Variants in SLC30A10 observed in about 807,000 individuals in gnomAD.
SLC30A10 encodes solute carrier family 30 member 10, also known as calcium/manganese antiporter SLC30A10.
A neutral mutation model predicts 21.7 loss-of-function variants in SLC30A10; 8 were observed. The ratio of observed to expected loss-of-function variants is 0.37; its 90% CI spans 0.22 to 0.67. The LOEUF is 0.67. Ranked by LOEUF, SLC30A10 falls within the 30% of genes least tolerant of loss-of-function variation. The pLI, the probability that SLC30A10 is intolerant of heterozygous loss-of-function variation, is 0.58. For missense variants in SLC30A10, 521 were observed against 642.5 expected (o/e 0.81, Z 2.04); for synonymous variants, 272 against 279.4 (o/e 0.97, Z 0.26).
At chr1:219,921,223 G>A (rs747056828) in intron 2 of SLC30A10, among the ~76,000 whole-genome samples, 3 of 152,088 alleles carry the variant, frequency 2.0e-5, no homozygotes, top group South Asian at 2.1e-4. Context: ...GATGAGTCCC[G>A]GAATGGCCAT....
rs544989150 is a variant in SLC30A10 at position 219,910,661 on chromosome 1, T to C, written c.*4788A>G. On this transcript the variant is annotated 3_prime_UTR_variant, in exon 4 of 4. Transcript: ENST00000366926. ...AATTTTAAGCAACAAAACTCCACAA[T>C]ACTGTAACATAACCTCAGATCTCCA... Among the ~76,000 whole-genome samples the C allele has an allele frequency of 6.6e-6, 1 of 152,328 alleles. No individual in the cohort carries two copies.
At position 219,928,030 on chromosome 1, in the gene SLC30A10, G is replaced by T; in HGVS notation, c.411C>A (p.Cys137Ter). 1 of 1,580,256 alleles carries T rather than the reference G, an allele frequency of 6.3e-7. No homozygotes were observed. The highest frequency in any genetic ancestry group is 8.6e-7 in the Non-Finnish European group (1 of 1,164,968). ...GGAGGCAGCACGCGAACCAGGCGGC[G>T]CAGTCCTGGAAGATGAGCAGCCCCA... ...NVVGLLIFQDCAAWFACCLRG... is the reference protein window; with the variant it reads ...NVVGLLIFQD The change falls in exon 1 of 4, where the codon TGC (cysteine) becomes TGA (stop). Residue 137 changes from cysteine to a stop codon, truncating the protein, a stop_gained. Coordinates refer to ENST00000366926, the MANE Select transcript of SLC30A10 (RefSeq NM_018713.3). LOFTEE classifies it high-confidence loss of function. The surrounding 1 kb of genome is among the most constrained non-coding windows in gnomAD (Gnocchi z 6.3).
At chr1:219,948,477 T>G (rs951035447) in intron 1 of SLC30A10, among the ~76,000 whole-genome samples, 2 of 152,204 alleles carry the variant, frequency 1.3e-5, no homozygotes, top group African/African-American at 4.8e-5. Context: ...AACTATCTGA[T>G]TTTTGACAAA....
chr1:219,912,692 G>C lies in SLC30A10; in HGVS notation c.*2757C>G, dbSNP rs1401052942. ...TACTAAAAATACAAAAAATTAGCCG[G>C]GCATGGTGGCGAGCACCTGTAATCC... On this transcript the variant is annotated 3_prime_UTR_variant, in exon 4 of 4. Transcript: ENST00000366926. 6.6e-6 allele frequency among the ~76,000 whole-genome samples: 1 copy of C among 150,952 alleles called. No homozygotes were observed. The highest frequency in any genetic ancestry group is 1.5e-5 in the Non-Finnish European group (1 of 67,704).
intron 1 of SLC30A10, among the ~76,000 whole-genome samples, chr1:219,948,308 A>G (rs1474363535): frequency 1.3e-5 from 2 of 151,784 alleles, no homozygotes; most frequent in Admixed American, 1.3e-4. Context: ...CGCCAAGTCA[A>G]TCCTAAGCCA....
In SLC30A10 at chr1:219,915,914, A is replaced by C; in HGVS notation, c.993T>G (p.Ser331Arg). 1 of 1,614,136 alleles carries C rather than the reference A, an allele frequency of 6.2e-7. No homozygotes were observed. The highest frequency in any genetic ancestry group is 8.5e-7 in the Non-Finnish European group (1 of 1,180,028). ...GTTCCCAGATGTGCACTTCATGTAC[A>C]CTGCTAATTCCAGGCACAGCAGAGA... ...SKLSAVPGIS[S>R]VHEVHIWELV... The change falls in exon 4 of 4, where the codon AGT (serine) becomes AGG (arginine). Residue 331 changes from serine to arginine, a missense_variant. By Grantham distance (110) the Ser-to-Arg change is moderately radical. Transcript: ENST00000366926.
At chr1:219,950,219 A>G (rs1043967096) in intron 1 of SLC30A10, among the ~76,000 whole-genome samples, 6 of 152,262 alleles carry the variant, frequency 3.9e-5, no homozygotes, top group African/African-American at 1.4e-4. Flanking sequence ...TCAATGAGCT[A>G]CATATTGACA....
chr1:219,922,158 TTGTGTG>T (rs139669169), intron 2 of SLC30A10, among the ~76,000 whole-genome samples: 7 of 42,836 alleles, frequency 1.6e-4, no homozygotes, highest in Non-Finnish European at 2.6e-4. Flanking sequence ...ACCTTCTTGT[TTGTGTG>T]TGTGTGTGTG....
Position 219,915,534 on chromosome 1 carries a change from GACACTTCAATAGCC to G in SLC30A10, c.1359_1372del (p.Ala454PhefsTer3), listed in dbSNP as rs1659513843. On this transcript the variant is annotated frameshift_variant, in exon 4 of 4. Coordinates refer to ENST00000366926, the MANE Select transcript of SLC30A10 (RefSeq NM_018713.3). LOFTEE classifies it low-confidence loss of function (END_TRUNC). Reference sequence around the variant, plus strand: ...GTGGTCACTCAGACAGCTATCCAAAGACACTTCAATAGCCACTTCTCTTGCGTCTCTTCTACTGA... The same window carrying G: ...GTGGTCACTCAGACAGCTATCCAAAGACTTCTCTTGCGTCTCTTCTACTGA... 1 of 1,614,100 alleles carries G rather than the reference GACACTTCAATAGCC, an allele frequency of 6.2e-7. No individual in the cohort carries two copies. The highest frequency in any genetic ancestry group is 8.5e-7 in the Non-Finnish European group (1 of 1,180,042).
chr1:219,925,782 A>T (rs1659807653), intron 2 of SLC30A10, among the ~76,000 whole-genome samples: 1 of 146,006 alleles, frequency 6.8e-6, no homozygotes, highest in Non-Finnish European at 1.5e-5. Flanking sequence ...CAGCCTCCCG[A>T]GTAGCTGGGA....
intron 1 of SLC30A10, among the ~76,000 whole-genome samples, chr1:219,940,786 C>T (rs887833114): frequency 6.6e-6 from 1 of 152,114 alleles, no homozygotes; most frequent in Non-Finnish European, 1.5e-5. Context: ...CTAGGCAGGA[C>T]AATAATAGTT....
chr1:219,912,170 CAAAAAAAAAAAAAA>C lies in SLC30A10; in HGVS notation c.*3265_*3278del, dbSNP rs59792236. ...CCACTGGAATTTGCTCTACCAATGG[CAAAAAAAAAAAAAA>C]AAAAAAAAAAAAGAACTAAATATGG... On this transcript the variant is annotated 3_prime_UTR_variant, in exon 4 of 4. Coordinates refer to ENST00000366926, the MANE Select transcript of SLC30A10 (RefSeq NM_018713.3). Among the ~76,000 whole-genome samples the C allele has an allele frequency of 4.1e-4, 31 of 74,708 alleles. No homozygotes were observed. The highest frequency in any genetic ancestry group is 0.018 in the Middle Eastern group (2 of 110). 49.0% of individuals were successfully genotyped at this position (74,708 alleles called of 152,430 possible). A position where few individuals can be genotyped will look rare whatever the true frequency, so the allele number is the denominator to read the frequency against.
intron 1 of SLC30A10, among the ~76,000 whole-genome samples, chr1:219,939,452 A>G (rs1468065031): frequency 6.6e-6 from 1 of 151,804 alleles, no homozygotes; most frequent in Non-Finnish European, 1.5e-5. Context: ...CTTTGAGACC[A>G]AGTCTCACTC....
chr1:219,939,300 A>G (rs994729790), intron 1 of SLC30A10, among the ~76,000 whole-genome samples: 3 of 152,230 alleles, frequency 2.0e-5, no homozygotes, highest in African/African-American at 7.2e-5. Context: ...GGCAGCTATT[A>G]AAAGCTACCC....
chr1:219,957,928 A>T (rs11118470), intron 1 of SLC30A10, among the ~76,000 whole-genome samples: 70,496 of 151,976 alleles, frequency 0.46, 16,438 homozygotes, highest in South Asian at 0.53. Flanking sequence ...CTAAAGATTC[A>T]CATGTAAATT....
At chr1:219,937,788 G>C (rs1336486163) in intron 1 of SLC30A10, among the ~76,000 whole-genome samples, 1 of 152,174 alleles carries the variant, frequency 6.6e-6, no homozygotes, top group African/African-American at 2.4e-5. Flanking sequence ...CTCCAGCCTG[G>C]GTGACAGAGC....
Position 219,927,860 on chromosome 1 carries a change from C to T in SLC30A10, c.581G>A (p.Arg194Gln), listed in dbSNP as rs1193990191. 4 of 1,545,984 alleles carry T rather than the reference C, an allele frequency of 2.6e-6. No individual in the cohort carries two copies. The highest frequency in any genetic ancestry group is 2.6e-6 in the Non-Finnish European group (3 of 1,146,092). Reference protein sequence around the residue: ...APGSDSAVTLRGTSVERKREK... With the variant: ...APGSDSAVTLQGTSVERKREK... ...CCGCTTCCTTTCCACCGAGGTCCCC[C>T]GGAGGGTTACGGCCGAGTCCGAGCC... The change falls in exon 1 of 4, where the codon CGG (arginine) becomes CAG (glutamine). Residue 194 changes from arginine (R) to glutamine (Q), a missense_variant. By Grantham distance (43) the Arg-to-Gln change is conservative (BLOSUM62 1). Transcript: ENST00000366926.
At chr1:219,946,459 G>A (rs1191927014) in intron 1 of SLC30A10, among the ~76,000 whole-genome samples, 2 of 152,148 alleles carry the variant, frequency 1.3e-5, no homozygotes, top group Non-Finnish European at 2.9e-5. Context: ...AGGAGTGAAG[G>A]GAACATAAAT....
intron 1 of SLC30A10, among the ~76,000 whole-genome samples, chr1:219,933,968 C>G (rs1660006757): frequency 6.6e-6 from 1 of 152,146 alleles, no homozygotes; most frequent in South Asian, 2.1e-4. Context: ...GCCTGGCCAA[C>G]TTGGTGAAAT....
Sources: gnomAD v4.1 joint callset for allele counts (sites outside exome capture counted in the v4.1 genomes callset) on GRCh38, gnomAD v4.1.1 for gene constraint, Gnocchi (gnomAD v3.1) non-coding constraint, MANE v1.5 for transcripts, NCBI Gene and HGNC (gene_info 2026-07-23, HGNC 2026-07-21) for gene names.